Variants in ACE observed in about 807,000 individuals in gnomAD.
ACE encodes the protein angiotensin-converting enzyme.
ACE carries 122 observed loss-of-function variants against 162.3 expected under a neutral mutation model. The observed-to-expected ratio is 0.75, with a 90% CI of 0.65 to 0.87. The LOEUF (loss-of-function observed/expected upper bound fraction) is 0.87. Among genes scored for constraint, ACE ranks in the 40% least tolerant of loss-of-function variants. The pLI is 0.00. For synonymous variants in ACE, 796 were observed against 720.6 expected (o/e 1.10, Z -1.68); for missense variants, 1,799 against 1,735.1 (o/e 1.04, Z -0.65).
rs1277896764 is a variant in ACE, at chr17:63,480,506, A to C, written c.825A>C (p.Gly275=). The change falls in exon 5 of 25, where the codon GGA becomes GGC. Residue 275 remains glycine, a synonymous_variant. Transcript: ENST00000290866. ...GAGACAGATACATCAACCTCAGGGGACCCATCCCTGCTCATCTGCTGGGTA... is the reference window on the plus strand; with the variant it reads ...GAGACAGATACATCAACCTCAGGGGCCCCATCCCTGCTCATCTGCTGGGTA... ...RYGDRYINLR[G]PIPAHLLGDM... is the part of the protein sequence containing the mutation. The C allele has an allele frequency of 6.2e-7, 1 of 1,613,658 alleles. No homozygotes were observed. The highest frequency in any genetic ancestry group is 2.2e-5 in the East Asian group (1 of 44,880).
At position 63,496,874 on chromosome 17, in the gene ACE, G is replaced by A. The variant is rs755506668; in HGVS notation, c.3580G>A (p.Ala1194Thr). ...QLITGQPNMS[A>T]SAMLSYFKPL... ...GATCACGGGCCAGCCCAACATGAGC[G>A]CCTCGGCCATGTTGAGCTACTTCAA... is the stretch of plus-strand genomic sequence containing the variant. Residue 1194 changes from alanine to threonine, a missense_variant, in exon 24 of 25, where the codon GCC becomes ACC. Coordinates refer to ENST00000290866, the MANE Select transcript of ACE (RefSeq NM_000789.4). The A allele has an allele frequency of 7.7e-5, 125 of 1,613,494 alleles. No homozygotes were observed. The highest frequency in any genetic ancestry group is 1.0e-4 in the Non-Finnish European group (118 of 1,180,046).
intron 5 of ACE, among the ~76,000 whole-genome samples, 158 bp from the exon 6 acceptor site, chr17:63,480,933 G>T (rs938483801): frequency 6.6e-6 from 1 of 152,214 alleles, no homozygotes; most frequent in Non-Finnish European, 1.5e-5. Context: ...AGGAGTGTGG[G>T]TGGGACTGAT....
chr17:63,496,854 CG>C lies in ACE; in HGVS notation c.3563del (p.Gly1188AlafsTer5). On this transcript the variant is annotated frameshift_variant, in exon 24 of 25. Transcript: ENST00000290866. LOFTEE classifies it high-confidence loss of function. ...RPWPEAMQLI[T>X]GQPNMSASAM... The stretch of plus-strand genomic sequence containing the variant: ...TGGCCGGAAGCCATGCAGCTGATCA[CG>C]GGCCAGCCCAACATGAGCGCCTCGG... The C allele has an allele frequency of 6.2e-7, 1 of 1,613,538 alleles. No homozygotes were observed. Among genetic ancestry groups the C allele is most frequent in the Non-Finnish European group, 8.5e-7 (1 of 1,180,032 alleles).
intron 4 of ACE, 41 bp downstream of exon 4, chr17:63,479,953 CCT>C: frequency 6.3e-7 from 1 of 1,579,498 alleles, no homozygotes; most frequent in Non-Finnish European, 8.6e-7. Context: ...CGCCAGGTGT[CCT>C]CTCTCAGCTG....
rs1386840090 is a variant in ACE, at chr17:63,481,173, T to C, written c.930T>C (p.Ser310=). The C allele has an allele frequency of 6.8e-7, 1 of 1,467,880 alleles. No individual in the cohort carries two copies. The highest frequency in any genetic ancestry group is 9.2e-7 in the Non-Finnish European group (1 of 1,089,990). 90.9% of individuals were successfully genotyped at this position (1,467,880 alleles called of 1,614,324 possible). Residue 310 remains serine (S), a synonymous_variant, in exon 6 of 25, where the codon AGT becomes AGC. Coordinates refer to ENST00000290866, the MANE Select transcript of ACE (RefSeq NM_000789.4). ...FPDKPNLDVT[S]TMLQQGWNAT... is the part of the protein sequence containing the mutation. ...ACAAGCCCAACCTCGATGTCACCAGTACTATGCTGCAGCAGGTAAGCTCTG... is the reference window on the plus strand; with the variant it reads ...ACAAGCCCAACCTCGATGTCACCAGCACTATGCTGCAGCAGGTAAGCTCTG...
In ACE at chr17:63,486,568, C is replaced by T. The variant is rs1334386288; in HGVS notation, c.2070C>T (p.Asn690=). 7 of 1,614,086 alleles carry T rather than the reference C, an allele frequency of 4.3e-6. No individual in the cohort carries two copies. The African/African-American group carries it at 5.3e-5, about 12-fold the overall frequency. ...CCCTGTGCCCTCAGCTGCAGAAGAA[C>T]ATGCAAATAGCCAACCACACCCTGA... ...TETSKILLQK[N]MQIANHTLKY... is the part of the protein sequence containing the mutation. Residue 690 remains asparagine, a synonymous_variant, in exon 14 of 25, where the codon AAC becomes AAT. Coordinates refer to ENST00000290866, the MANE Select transcript of ACE (RefSeq NM_000789.4).
intron 5 of ACE, 124 bp from the exon 6 acceptor site, chr17:63,480,967 C>G: frequency 1.1e-6 from 1 of 909,742 alleles, no homozygotes; most frequent in Admixed American, 1.8e-5. Context: ...GGCCCTAAGC[C>G]AGGCCTGCAG....
chr17:63,483,750 T>A (rs919873504), intron 10 of ACE, 99 bp from the exon 11 acceptor site: 1 of 1,599,822 alleles, frequency 6.3e-7, no homozygotes, highest in Non-Finnish European at 8.5e-7. Flanking sequence ...TAGCTTCTGG[T>A]CCAGCCTCTG....
rs1256288128 is a variant in ACE at position 63,488,745 on chromosome 17, T to C, written c.2403T>C (p.Phe801=). 1 of 1,613,642 alleles carries C rather than the reference T, an allele frequency of 6.2e-7. No individual in the cohort carries two copies. The highest frequency in any genetic ancestry group is 1.3e-5 in the African/African-American group (1 of 74,808). Residue 801 remains phenylalanine, a synonymous_variant, in exon 16 of 25, where the codon TTT becomes TTC. Transcript: ENST00000290866. ...AGGCGGGGAGAGCCATCCTCCAGTT[T>C]TACCCGAAATACGTGGAACTCATCA... ...RDKAGRAILQ[F]YPKYVELINQ...
At chr17:63,490,825 A>AGT (rs1209835747) in intron 17 of ACE, 129 bp from the exon 18 acceptor site, 1 of 879,126 alleles carries the variant, frequency 1.1e-6, no homozygotes, top group East Asian at 2.4e-5. Context: ...GCTTGCAAAC[A>AGT]GTAGGTGCTC....
In ACE at chr17:63,483,172, C is replaced by T. The variant is rs397514688; in HGVS notation, c.1486C>T (p.Arg496Ter). ...SRYNFDWWYL[R>*]TKYQGICPPV... Reference sequence around the variant, plus strand: ...CTACAACTTCGACTGGTGGTATCTTCGGTGAGAGGAGGGATAGAAAAGCCT... The same window carrying T: ...CTACAACTTCGACTGGTGGTATCTTTGGTGAGAGGAGGGATAGAAAAGCCT... Residue 496 changes from arginine (R) to a stop codon, truncating the protein, a stop_gained and splice_region_variant, in exon 9 of 25, where the codon CGA becomes TGA. Coordinates refer to ENST00000290866, the MANE Select transcript of ACE (RefSeq NM_000789.4). LOFTEE classifies it high-confidence loss of function. 1.8e-5 allele frequency: 29 copies of T among 1,613,668 alleles called. No individual in the cohort carries two copies. The highest frequency in any genetic ancestry group is 9.3e-5 in the African/African-American group (7 of 74,878).
rs1568044792 is a variant in ACE, at chr17:63,491,067, G to C, written c.2739+16G>C. 1.2e-6 allele frequency: 2 copies of C among 1,613,826 alleles called. No homozygotes were observed. Among genetic ancestry groups the C allele is most frequent in the Non-Finnish European group, 1.7e-6 (2 of 1,179,908 alleles). On this transcript the variant is annotated intron_variant, in intron 18 of 24. Transcript: ENST00000290866. This position sits in a 1 kb window ranked among gnomAD's most constrained non-coding sequence, Gnocchi z 4.4. ...GCTAAAGCAGGTCCGCACCAGCCCA[G>C]GGGCAGGGAGGCCCCGCCGGGATGG...
Position 63,477,123 on chromosome 17 carries a change from C to T in ACE, c.29C>T (p.Pro10Leu). The change falls in exon 1 of 25, where the codon CCG (proline) becomes CTG (leucine). Residue 10 changes from proline (P) to leucine (L), a missense_variant. Coordinates refer to ENST00000290866, the MANE Select transcript of ACE (RefSeq NM_000789.4). MGAASGRRG[P>L]GLLLPLPLLL... ...GGGGCCGCCTCGGGCCGCCGGGGGC[C>T]GGGGCTGCTGCTGCCGCTGCCGCTG... The T allele has an allele frequency of 1.5e-6, 2 of 1,372,216 alleles. No homozygotes were observed. Among genetic ancestry groups the T allele is most frequent in the Non-Finnish European group, 1.9e-6 (2 of 1,066,392 alleles). The allele number at this position is 1,372,216 out of a possible 1,614,324, so 85.0% of individuals were successfully genotyped here.
In ACE at chr17:63,483,921, A is replaced by C. The variant is rs1224782851; in HGVS notation, c.1659A>C (p.Pro553=). The change falls in exon 11 of 25, where the codon CCA becomes CCC. Residue 553 remains proline (P), a synonymous_variant. Transcript: ENST00000290866. ...GCAAGGAGGCAGGCTATGAGGGCCCACTGCACCAGTGTGACATCTACCGGT... is the reference window on the plus strand; with the variant it reads ...GCAAGGAGGCAGGCTATGAGGGCCCCCTGCACCAGTGTGACATCTACCGGT... The part of the protein sequence containing the change: ...ALCKEAGYEG[P]LHQCDIYRST... 1.9e-6 allele frequency: 3 copies of C among 1,614,150 alleles called. No individual in the cohort carries two copies. Among genetic ancestry groups the C allele is most frequent in the Non-Finnish European group, 2.5e-6 (3 of 1,180,018 alleles).
intron 16 of ACE, 60 bp downstream of exon 16, chr17:63,488,851 GC>G: frequency 6.2e-7 from 1 of 1,613,958 alleles, no homozygotes; most frequent in East Asian, 2.2e-5. Context: ...TCAAAGAGGT[GC>G]TGTGAAACCC....
chr17:63,485,930 A>T (rs2029907214), intron 13 of ACE, among the ~76,000 whole-genome samples: 1 of 152,218 alleles, frequency 6.6e-6, no homozygotes, highest in Non-Finnish European at 1.5e-5. Context: ...ACATAGCAAG[A>T]TCCCATCTCT....
chr17:63,484,014 C>T lies in ACE; in HGVS notation c.1709+43C>T, dbSNP rs146515255. ...GGGGGAAGTGGGAGGCAGAGAGGAG[C>T]GGCTGGCAAAGGGTGTGGCAGGAGG... On this transcript the variant is annotated intron_variant, in intron 11 of 24. Coordinates refer to ENST00000290866, the MANE Select transcript of ACE (RefSeq NM_000789.4). The surrounding 1 kb of genome is among the most constrained non-coding windows in gnomAD (Gnocchi z 4.0). 3.9e-3 allele frequency: 6,116 copies of T among 1,577,980 alleles called. 22 individuals carry two copies. Among genetic ancestry groups the T allele is most frequent in the Middle Eastern group, 0.016 (89 of 5,562 alleles).
In ACE at chr17:63,478,106, G is replaced by A. The variant is rs114000559; in HGVS notation, c.417+8G>A. The A allele has an allele frequency of 7.4e-4, 1,163 of 1,573,362 alleles. 13 individuals are homozygous for A. In the African/African-American group the frequency reaches 0.014, roughly 19 times the overall value. ...CTGGCTAAGCGGCAGCAGGTGGGCT[G>A]AGGGCTGAGGCAGAGCTCGGGGGCG... On this transcript the variant is annotated splice_region_variant and intron_variant, in intron 2 of 24. Coordinates refer to ENST00000290866, the MANE Select transcript of ACE (RefSeq NM_000789.4).
At chr17:63,496,745 G>A (rs1181323249) in intron 23 of ACE, 53 bp from the exon 24 acceptor site, 14 of 1,604,856 alleles carry the variant, frequency 8.7e-6, no homozygotes, top group Non-Finnish European at 1.2e-5. Flanking sequence ...TCAGGTGGGG[G>A]CAAGAGGGGC....
Sources: gnomAD v4.1 joint callset for allele counts (sites outside exome capture counted in the v4.1 genomes callset) on GRCh38, gnomAD v4.1.1 for gene constraint, Gnocchi (gnomAD v3.1) non-coding constraint, MANE v1.5 for transcripts, NCBI Gene and HGNC (gene_info 2026-07-23, HGNC 2026-07-21) for gene names.